Variants in CYRIB observed in about 807,000 individuals in gnomAD.
The protein encoded by CYRIB is CYFIP related Rac1 interactor B.
Under a neutral mutation model 44.2 loss-of-function variants are expected in CYRIB, and 8 were observed. That is an observed-to-expected ratio of 0.18 (90% CI 0.11 to 0.33). The LOEUF is 0.33. CYRIB is among the 10% of genes least tolerant of loss of function. CYRIB has a pLI of 1.00. For missense variants in CYRIB, 185 were observed against 382.8 expected (o/e 0.48, Z 4.31); for synonymous variants, 131 against 127.2 (o/e 1.03, Z -0.20).
chr8:129,941,265 T>C (rs1440929530), upstream of CYRIB, among the ~76,000 whole-genome samples: 4 of 144,036 alleles, frequency 2.8e-5, no homozygotes, highest in African/African-American at 1.0e-4. Flanking sequence ...TCAATGAAAC[T>C]GAAGGAGATT....
At chr8:129,988,875 G>C (rs1454684253) in intron 1 of CYRIB, among the ~76,000 whole-genome samples, 1 of 151,634 alleles carries the variant, frequency 6.6e-6, no homozygotes, top group Admixed American at 6.6e-5. Context: ...TTCTCTCAAC[G>C]CTGCACATGA....
At chr8:129,897,235 C>A (rs901356806) in intron 2 of CYRIB, among the ~76,000 whole-genome samples, 2 of 152,292 alleles carry the variant, frequency 1.3e-5, no homozygotes, top group South Asian at 4.1e-4. Context: ...AGCCATCTCA[C>A]CACTGCTTAA....
At chr8:129,858,246 G>A (rs2047247389) in intron 5 of CYRIB, among the ~76,000 whole-genome samples, 2 of 152,154 alleles carry the variant, frequency 1.3e-5, no homozygotes, top group South Asian at 4.1e-4. Context: ...AAGATGCCTG[G>A]GATTGGACTC....
intron 2 of CYRIB, chr8:129,894,432 T>G (rs2066894760): frequency 1.3e-5 from 2 of 152,340 alleles, no homozygotes; most frequent in South Asian, 4.1e-4. Flanking sequence ...GTATATGCAT[T>G]TCCTTTGTCA....
At chr8:129,904,523 C>T (rs954329309) in intron 1 of CYRIB, 1 of 152,166 alleles carries the variant, frequency 6.6e-6, no homozygotes, top group African/African-American at 2.4e-5. Flanking sequence ...TCCCTCTTTC[C>T]TAGTTCACTT....
intron 1 of CYRIB, among the ~76,000 whole-genome samples, chr8:129,998,638 T>C (rs940629193): frequency 2.8e-5 from 4 of 144,100 alleles, no homozygotes; most frequent in African/African-American, 7.8e-5. Flanking sequence ...ACTCATCTCT[T>C]TTTTTTTTTT....
At chr8:129,862,461 T>A in intron 4 of CYRIB, 127 bp from the exon 7 acceptor site, 1 of 754,158 alleles carries the variant, frequency 1.3e-6, no homozygotes, top group African/African-American at 1.8e-5. Context: ...GAATATTGAA[T>A]CTAGGAGTGT....
chr8:129,869,978 T>G (rs76212578), intron 4 of CYRIB, among the ~76,000 whole-genome samples: 3,162 of 118,348 alleles, frequency 0.027, 41 homozygotes, highest in Non-Finnish European at 0.038. Flanking sequence ...TATGGGGGGG[T>G]GGGGGGAGGG....
chr8:129,939,466 G>A lies in CYRIB; in HGVS notation c.-50+142C>T, dbSNP rs1309637283. ...CCCGGGGCGTCGCGGGGCCGGGGGC[G>A]GGCCCAGCGCGCCTGGAAAGGAGGA... On this transcript the variant is annotated intron_variant, in intron 1 of 11. Transcript: ENST00000519824. The A allele has an allele frequency of 2.6e-5, 4 of 151,952 alleles. No individual in the cohort carries two copies. The South Asian group carries it at 8.3e-4, about 31-fold the overall frequency. 9.4% of individuals were successfully genotyped at this position (151,952 alleles called of 1,614,324 possible). A position where few individuals can be genotyped will look rare whatever the true frequency, so the allele number is the denominator to read the frequency against.
intron 1 of CYRIB, among the ~76,000 whole-genome samples, chr8:129,927,781 G>C (rs565918983): frequency 4.6e-5 from 7 of 152,190 alleles, no homozygotes; most frequent in African/African-American, 1.7e-4. Context: ...CAGTAATCAA[G>C]CCATGTGGTA....
upstream of CYRIB, chr8:130,016,532 C>CAG: frequency 6.3e-6 from 1 of 157,900 alleles, no homozygotes; most frequent in Non-Finnish European, 1.4e-5. Flanking sequence ...GCAGCAGCAG[C>CAG]CCGGGCGAGT....
At chr8:129,983,322 G>A (rs1468446617) in intron 1 of CYRIB, among the ~76,000 whole-genome samples, 1 of 152,132 alleles carries the variant, frequency 6.6e-6, no homozygotes, top group Non-Finnish European at 1.5e-5. Flanking sequence ...GCGGGCGCCT[G>A]TAGTCCCAGC....
At chr8:129,989,201 C>A (rs2133207258) in intron 1 of CYRIB, among the ~76,000 whole-genome samples, 1 of 152,254 alleles carries the variant, frequency 6.6e-6, no homozygotes, top group African/African-American at 2.4e-5. Flanking sequence ...CTCAGTGGGT[C>A]TCTGGAAAAT....
intron 1 of CYRIB, among the ~76,000 whole-genome samples, chr8:129,993,696 C>CAA (rs901947850): frequency 3.9e-5 from 5 of 129,628 alleles, no homozygotes; most frequent in African/African-American, 8.6e-5. Context: ...AACTCTCTCT[C>CAA]AAAAAAAAAA....
intron 2 of CYRIB, among the ~76,000 whole-genome samples, chr8:129,897,105 C>T (rs1397585635): frequency 6.6e-6 from 1 of 152,150 alleles, no homozygotes; most frequent in African/African-American, 2.4e-5. Context: ...CTTTATATCC[C>T]ATTACCAATA....
intron 1 of CYRIB, among the ~76,000 whole-genome samples, chr8:129,906,290 T>C (rs1242518094): frequency 1.3e-5 from 2 of 152,044 alleles, no homozygotes; most frequent in African/African-American, 4.8e-5. Flanking sequence ...TCCTCAGAAA[T>C]AATAGCACAC....
intron 2 of CYRIB, among the ~76,000 whole-genome samples, chr8:129,883,795 T>C (rs149200517): frequency 2.1e-3 from 316 of 152,332 alleles, no homozygotes; most frequent in African/African-American, 7.2e-3. Flanking sequence ...AGTTTTCTCA[T>C]GTGTAAAAGG....
chr8:129,921,908 T>C (rs1304338410), intron 1 of CYRIB, among the ~76,000 whole-genome samples: 4 of 152,280 alleles, frequency 2.6e-5, no homozygotes, highest in African/African-American at 9.6e-5. Flanking sequence ...GAGAGGCTTA[T>C]GAGCCACCAA....
chr8:129,905,271 G>A (rs763998533), intron 1 of CYRIB, among the ~76,000 whole-genome samples: 1 of 152,166 alleles, frequency 6.6e-6, no homozygotes, highest in Admixed American at 6.5e-5. Context: ...AGGCTGGAGT[G>A]CAGTGGCGCT....
Sources: allele counts gnomAD v4.1 joint callset (sites outside exome capture counted in the v4.1 genomes callset), GRCh38; gene constraint gnomAD v4.1.1; transcripts MANE v1.5; gene names NCBI Gene and HGNC (gene_info 2026-07-23, HGNC 2026-07-21).